C1orf56: variants seen among roughly 807,000 people sequenced by gnomAD.
C1orf56 encodes protein MENT.
A neutral mutation model predicts 20.7 loss-of-function variants in C1orf56; 14 were observed. The observed-to-expected ratio is 0.68, with a 90% confidence interval of 0.45 to 1.06. The LOEUF is 1.06. Ranked by LOEUF, C1orf56 falls within the 50% of genes least tolerant of loss-of-function variation. The probability of loss-of-function intolerance (pLI) is 0.00; values close to 1 mark genes in which losing one functional copy is unlikely to be tolerated. For synonymous variants in C1orf56, 187 were observed against 194.7 expected (o/e 0.96, Z 0.33); for missense variants, 424 against 451.4 (o/e 0.94, Z 0.55).
At chr1:151,049,280 A>T (rs1448171418) in intron 1 of C1orf56, among the ~76,000 whole-genome samples, 1 of 142,318 alleles carries the variant, frequency 7.0e-6, no homozygotes, top group Non-Finnish European at 1.5e-5. Flanking sequence ...TGCCCGGCTA[A>T]TTTTTTTTTT....
rs950373178 is a variant in C1orf56, at chr1:151,050,628, C to T, written c.*170C>T. The T allele has an allele frequency of 3.2e-6, 2 of 631,078 alleles. No individual in the cohort carries two copies. Among genetic ancestry groups the T allele is most frequent in the African/African-American group, 1.8e-5 (1 of 54,228 alleles). 39.1% of individuals were successfully genotyped at this position (631,078 alleles called of 1,614,324 possible). A position where few individuals can be genotyped will look rare whatever the true frequency, so the allele number is the denominator to read the frequency against. The stretch of plus-strand genomic sequence containing the variant: ...GAGGGAGGAGAGACATAAATCCCTT[C>T]ATCCCTAAGACTGAACTATGTAACT... On this transcript the variant is annotated 3_prime_UTR_variant, in exon 2 of 2. Coordinates refer to ENST00000368926, the MANE Select transcript of C1orf56 (RefSeq NM_017860.5).
chr1:151,049,065 A>G (rs1676121922), intron 1 of C1orf56, among the ~76,000 whole-genome samples: 3 of 152,106 alleles, frequency 2.0e-5, no homozygotes, highest in Admixed American at 2.0e-4. Context: ...ATTAGGTAAA[A>G]TGTCTTACTG....
rs752910122 is a variant in C1orf56, at chr1:151,048,374, C to T, written c.527C>T (p.Ser176Phe). ...PGSQATLSQWSTPGSTPSRWP... is the reference protein window; with the variant it reads ...PGSQATLSQWFTPGSTPSRWP... ...TCGCAGGCCACCCTGAGCCAGTGGT[C>T]CACACCTGGGTCTACCCCGAGCCGG... The change falls in exon 1 of 2, where the codon TCC (serine) becomes TTC (phenylalanine). Residue 176 changes from serine (S) to phenylalanine (F), a missense_variant. Coordinates refer to ENST00000368926, the MANE Select transcript of C1orf56 (RefSeq NM_017860.5). This position sits in a 1 kb window ranked among gnomAD's most constrained non-coding sequence, Gnocchi z 4.8. 4 of 1,613,156 alleles carry T rather than the reference C, an allele frequency of 2.5e-6. No individual in the cohort carries two copies. Among genetic ancestry groups the T allele is most frequent in the Non-Finnish European group, 3.4e-6 (4 of 1,179,972 alleles).
At position 151,048,802 on chromosome 1, in the gene C1orf56, C is replaced by T. The variant is rs757919980; in HGVS notation, c.955C>T (p.Leu319=). ...LAFWKRVRIG[L]EDIWNSLSSV... ...TTTTTGGAAACGGGTCAGGATTGGC[C>T]TGGAGGATATTTGGAATAGCCTCTC... The change falls in exon 1 of 2, where the codon CTG becomes TTG. Residue 319 remains leucine, a synonymous_variant. Transcript: ENST00000368926. This position sits in a 1 kb window ranked among gnomAD's most constrained non-coding sequence, Gnocchi z 4.8. 12 of 1,604,264 alleles carry T rather than the reference C, an allele frequency of 7.5e-6. No homozygotes were observed. Among genetic ancestry groups the T allele is most frequent in the Non-Finnish European group, 9.4e-6 (11 of 1,175,936 alleles).
rs1558106296 is a variant in C1orf56 at position 151,048,769 on chromosome 1, GC to G, written c.925del (p.Leu309TrpfsTer28). ...PSLPPASPCP[A>X]LAFWKRVRIG... The stretch of plus-strand genomic sequence containing the variant: ...CCTGCCACCCGCCAGCCCCTGCCCA[GC>G]CCTGGCTTTTTGGAAACGGGTCAGG... On this transcript the variant is annotated frameshift_variant, in exon 1 of 2. Coordinates refer to ENST00000368926, the MANE Select transcript of C1orf56 (RefSeq NM_017860.5). LOFTEE classifies it high-confidence loss of function. This position sits in a 1 kb window ranked among gnomAD's most constrained non-coding sequence, Gnocchi z 4.8. The G allele has an allele frequency of 6.2e-6, 10 of 1,613,564 alleles. No individual in the cohort carries two copies. Among genetic ancestry groups the G allele is most frequent in the Non-Finnish European group, 7.6e-6 (9 of 1,179,804 alleles).
intron 1 of C1orf56, 150 bp downstream of exon 1, chr1:151,049,002 C>T: frequency 8.4e-7 from 1 of 1,195,504 alleles, no homozygotes; most frequent in Non-Finnish European, 1.1e-6. Context: ...TGGTTATTCA[C>T]ATTGTTAGCC....
chr1:151,050,419 A>C lies in C1orf56; in HGVS notation c.1006-19A>C. 6.4e-7 allele frequency: 1 copy of C among 1,565,904 alleles called. No homozygotes were observed. Among genetic ancestry groups the C allele is most frequent in the African/African-American group, 1.4e-5 (1 of 73,084 alleles). ...GTGGTTGTAATTTCCCTTTTTCTCT[A>C]TTTTTTTTTCTTACGCAGATAGACA... On this transcript the variant is annotated intron_variant, in intron 1 of 1. Transcript: ENST00000368926.
Position 151,048,064 on chromosome 1 carries a change from G to A in C1orf56, c.217G>A (p.Asp73Asn), listed in dbSNP as rs764030628. ...AGAGGACGAGAATGATGCCATGGCC[G>A]ACGCCGACCGCCTGGCTGGACCAGC... Reference protein sequence around the residue: ...ILEDENDAMADADRLAGPAAA... With the variant: ...ILEDENDAMANADRLAGPAAA... The change falls in exon 1 of 2, where the codon GAC (aspartate) becomes AAC (asparagine). Residue 73 changes from aspartate to asparagine, a missense_variant. Asp to Asn is a conservative substitution (Grantham distance 23, BLOSUM62 1). Transcript: ENST00000368926. This position sits in a 1 kb window ranked among gnomAD's most constrained non-coding sequence, Gnocchi z 4.8. 1.2e-6 allele frequency: 2 copies of A among 1,614,092 alleles called. No individual in the cohort carries two copies. The highest frequency in any genetic ancestry group is 1.7e-6 in the Non-Finnish European group (2 of 1,180,004).
At chr1:151,050,293 A>T (rs1558106870) in intron 1 of C1orf56, 145 bp from the exon 2 acceptor site, 1 of 692,978 alleles carries the variant, frequency 1.4e-6, no homozygotes, top group East Asian at 2.7e-5. Flanking sequence ...GTCCAATACC[A>T]TTATTGCATA....
In C1orf56 at chr1:151,048,548, G is replaced by C. The variant is rs747889189; in HGVS notation, c.701G>C (p.Arg234Pro). 6.2e-7 allele frequency: 1 copy of C among 1,613,920 alleles called. No homozygotes were observed. Among genetic ancestry groups the C allele is most frequent in the South Asian group, 1.1e-5 (1 of 91,080 alleles). Reference protein sequence around the residue: ...GKLHGLSGRLRVGALSQLRTE... With the variant: ...GKLHGLSGRLPVGALSQLRTE... The stretch of plus-strand genomic sequence containing the variant: ...CTGCACGGCCTTTCCGGGCGCCTTC[G>C]AGTTGGGGCGCTGAGCCAGCTCCGC... Residue 234 changes from arginine (R) to proline (P), a missense_variant, in exon 1 of 2, where the codon CGA becomes CCA. Physicochemically the swap from Arg to Pro is moderately radical, Grantham distance 103. Transcript: ENST00000368926. The surrounding 1 kb of genome is among the most constrained non-coding windows in gnomAD (Gnocchi z 4.8).
intron 1 of C1orf56, 69 bp from the exon 2 acceptor site, chr1:151,050,365 TGAAG>T: frequency 1.4e-6 from 2 of 1,472,878 alleles, no homozygotes; most frequent in Non-Finnish European, 1.9e-6. Context: ...GAGGGGGAGA[TGAAG>T]CAAGGAAGGG....
At chr1:151,050,225 G>C (rs976702697) in intron 1 of C1orf56, among the ~76,000 whole-genome samples, 1 of 152,228 alleles carries the variant, frequency 6.6e-6, no homozygotes, top group African/African-American at 2.4e-5. Context: ...TTTGAGGAGG[G>C]AAAGGTAATA....
In C1orf56 at chr1:151,048,217, C is replaced by T. The variant is rs749668767; in HGVS notation, c.370C>T (p.Leu124Phe). Residue 124 changes from leucine (L) to phenylalanine (F), a missense_variant, in exon 1 of 2, where the codon CTT (leucine) becomes TTT (phenylalanine). Transcript: ENST00000368926. This position sits in a 1 kb window ranked among gnomAD's most constrained non-coding sequence, Gnocchi z 4.8. ...NAGKDSTSRE[L>F]PSATPNTAGS... ...CGGAAAGGATAGCACCAGCAGAGAGCTTCCCAGTGCGACTCCCAATACAGC... is the reference window on the plus strand; with the variant it reads ...CGGAAAGGATAGCACCAGCAGAGAGTTTCCCAGTGCGACTCCCAATACAGC... 1.7e-5 allele frequency: 28 copies of T among 1,614,124 alleles called. 1 individual carries two copies. In the East Asian group the frequency reaches 4.2e-4, roughly 24 times the overall value.
chr1:151,047,755 G>T lies in C1orf56; in HGVS notation c.-93G>T. 7.0e-6 allele frequency: 10 copies of T among 1,422,272 alleles called. No homozygotes were observed. The highest frequency in any genetic ancestry group is 9.1e-6 in the Non-Finnish European group (10 of 1,094,242). 88.1% of individuals were successfully genotyped at this position (1,422,272 alleles called of 1,614,324 possible). A position where few individuals can be genotyped will look rare whatever the true frequency, so the allele number is the denominator to read the frequency against. ...CTTCCCCGCGGGCCTCGGTTCAAAC[G>T]ACCCGGTGGGTCTACAGCGGAAGGG... On this transcript the variant is annotated 5_prime_UTR_variant, in exon 1 of 2. Coordinates refer to ENST00000368926, the MANE Select transcript of C1orf56 (RefSeq NM_017860.5).
In C1orf56 at chr1:151,048,394, A is replaced by G; in HGVS notation, c.547A>G (p.Ser183Gly). ...GTGGTCCACACCTGGGTCTACCCCG[A>G]GCCGGTGGCCGTCACCCTCACCCAC... is the stretch of plus-strand genomic sequence containing the variant. ...SQWSTPGSTPSRWPSPSPTAM... is the reference protein window; with the variant it reads ...SQWSTPGSTPGRWPSPSPTAM... The change falls in exon 1 of 2, where the codon AGC becomes GGC. Residue 183 changes from serine to glycine, a missense_variant. Coordinates refer to ENST00000368926, the MANE Select transcript of C1orf56 (RefSeq NM_017860.5). This position sits in a 1 kb window ranked among gnomAD's most constrained non-coding sequence, Gnocchi z 4.8. 6.2e-7 allele frequency: 1 copy of G among 1,612,182 alleles called. No homozygotes were observed.
Position 151,048,783 on chromosome 1 carries a change from G to C in C1orf56, c.936G>C (p.Trp312Cys). 6.2e-7 allele frequency: 1 copy of C among 1,613,160 alleles called. No individual in the cohort carries two copies. Among genetic ancestry groups the C allele is most frequent in the South Asian group, 1.1e-5 (1 of 90,840 alleles). The part of the protein sequence containing the change: ...PASPCPALAF[W>C]KRVRIGLEDI... ...GCCCCTGCCCAGCCCTGGCTTTTTG[G>C]AAACGGGTCAGGATTGGCCTGGAGG... Residue 312 changes from tryptophan to cysteine, a missense_variant, in exon 1 of 2, where the codon TGG becomes TGC. By Grantham distance (215) the Trp-to-Cys change is radical. Transcript: ENST00000368926. This position sits in a 1 kb window ranked among gnomAD's most constrained non-coding sequence, Gnocchi z 4.8.
rs770957140 is a variant in C1orf56 at position 151,050,421 on chromosome 1, T to A, written c.1006-17T>A. On this transcript the variant is annotated splice_polypyrimidine_tract_variant and intron_variant, in intron 1 of 1. Transcript: ENST00000368926. Reference sequence around the variant, plus strand: ...GGTTGTAATTTCCCTTTTTCTCTATTTTTTTTTCTTACGCAGATAGACAGA... The same window carrying A: ...GGTTGTAATTTCCCTTTTTCTCTATATTTTTTTCTTACGCAGATAGACAGA... 2.5e-6 allele frequency: 4 copies of A among 1,601,430 alleles called. No individual in the cohort carries two copies. In the South Asian group the frequency reaches 3.4e-5, roughly 14 times the overall value.
intron 1 of C1orf56, among the ~76,000 whole-genome samples, chr1:151,049,386 G>T (rs1486138090): frequency 6.6e-6 from 1 of 151,664 alleles, no homozygotes; most frequent in Non-Finnish European, 1.5e-5. Flanking sequence ...CAAAGTGCTG[G>T]GATTATAGGC....
At position 151,048,035 on chromosome 1, in the gene C1orf56, T is replaced by A; in HGVS notation, c.188T>A (p.Ile63Asn). ...RTGLPRKTRI[I>N]LEDENDAMAD... ...GGTCTTCCCCGGAAGACAAGGATAA[T>A]CCTAGAGGACGAGAATGATGCCATG... The change falls in exon 1 of 2, where the codon ATC becomes AAC. Residue 63 changes from isoleucine (I) to asparagine (N), a missense_variant. Transcript: ENST00000368926. The surrounding 1 kb of genome is among the most constrained non-coding windows in gnomAD (Gnocchi z 4.8). 1 of 1,614,020 alleles carries A rather than the reference T, an allele frequency of 6.2e-7. No homozygotes were observed. Among genetic ancestry groups the A allele is most frequent in the South Asian group, 1.1e-5 (1 of 91,090 alleles).
Sources: allele counts gnomAD v4.1 joint callset (sites outside exome capture counted in the v4.1 genomes callset), GRCh38; gene constraint gnomAD v4.1.1; non-coding constraint Gnocchi (gnomAD v3.1); transcripts MANE v1.5; gene names NCBI Gene and HGNC (gene_info 2026-07-23, HGNC 2026-07-21).